Variants in UROS observed in about 807,000 individuals in gnomAD.
UROS encodes uroporphyrinogen III synthase.
A neutral mutation model predicts 33.0 loss-of-function variants in UROS; 18 were observed. The observed-to-expected ratio is 0.55, with a 90% CI of 0.38 to 0.81. The LOEUF (loss-of-function observed/expected upper bound fraction) is 0.81, where lower values mean the gene tolerates loss of function less well. Ranked by LOEUF, UROS falls within the 30% of genes least tolerant of loss-of-function variation. UROS has a pLI of 0.00. For missense variants in UROS, 293 were observed against 314.9 expected (o/e 0.93, Z 0.53); for synonymous variants, 114 against 121.1 (o/e 0.94, Z 0.38).
intron 7 of UROS, chr10:125,796,880 ACTCT>A: frequency 1.0e-6 from 1 of 984,866 alleles, no homozygotes; most frequent in Non-Finnish European, 1.2e-6. Context: ...AAAATGGGAA[ACTCT>A]CTCAGAAGAA....
intron 1 of UROS, among the ~76,000 whole-genome samples, chr10:125,822,340 G>A (rs1456128603): frequency 6.8e-6 from 1 of 146,522 alleles, no homozygotes; most frequent in African/African-American, 2.5e-5. Flanking sequence ...TTTTTAGATA[G>A]GGTCTACCTC....
intron 9 of UROS, chr10:125,789,264 G>T: frequency 7.1e-7 from 1 of 1,407,440 alleles, no homozygotes; most frequent in South Asian, 1.5e-5. Flanking sequence ...GGACTTGAAG[G>T]CCCCAGGCTG....
At chr10:125,802,987 A>T in intron 6 of UROS, 1 of 1,612,852 alleles carries the variant, frequency 6.2e-7, no homozygotes, top group Non-Finnish European at 8.5e-7. Flanking sequence ...GTCCAAACCC[A>T]CTTTCTTCAC....
rs188140486 is a variant in UROS at position 125,820,398 on chromosome 10, C to T, written c.-27+2631G>A. Among the ~76,000 whole-genome samples the T allele has an allele frequency of 1.8e-3, 278 of 152,282 alleles. 1 individual carries two copies. Among genetic ancestry groups the T allele is most frequent in the Admixed American group, 7.3e-3 (111 of 15,298 alleles). Reference sequence around the variant, plus strand: ...ATCAAGCATGCAGGAGGAGACAGGACACATTCTTCCTTCTTTGGCTTTTTG... The same window carrying T: ...ATCAAGCATGCAGGAGGAGACAGGATACATTCTTCCTTCTTTGGCTTTTTG... On this transcript the variant is annotated intron_variant, in intron 1 of 9. Coordinates refer to ENST00000368797, the MANE Select transcript of UROS (RefSeq NM_000375.3).
At chr10:125,785,471 C>T (rs1850612336), downstream of UROS, 1 of 152,260 alleles carries the variant, frequency 6.6e-6, no homozygotes, top group Non-Finnish European at 1.5e-5. Context: ...CTATCCCTGT[C>T]ATCTACTTCC....
Position 125,798,018 on chromosome 10 carries a change from G to C in UROS, c.475+47C>G, listed in dbSNP as rs146590792. 1,756 of 1,604,820 alleles carry C rather than the reference G, an allele frequency of 1.1e-3. 2 individuals carry two copies. The highest frequency in any genetic ancestry group is 1.4e-3 in the Non-Finnish European group (1,694 of 1,171,754). On this transcript the variant is annotated intron_variant, in intron 7 of 9. Transcript: ENST00000368797. ...CACTTCTATCACTGCAAAGGCTCCT[G>C]GTGGATCCCAAAGTGGTAAGGGATG...
At chr10:125,798,214 G>C (rs1564781862) in intron 6 of UROS, 69 bp from the exon 7 acceptor site, 5 of 1,534,850 alleles carry the variant, frequency 3.3e-6, no homozygotes, top group Non-Finnish European at 4.5e-6. Context: ...ATGGGGAGGG[G>C]CAGCTTTGGG....
chr10:125,803,180 C>G (rs1337752622), intron 6 of UROS, among the ~76,000 whole-genome samples: 2 of 152,180 alleles, frequency 1.3e-5, no homozygotes, highest in Non-Finnish European at 2.9e-5. Context: ...ACAAGTTTTC[C>G]CTCTCTGAGC....
intron 9 of UROS, chr10:125,791,930 T>C (rs1417226176): frequency 6.6e-6 from 1 of 152,034 alleles, no homozygotes; most frequent in Non-Finnish European, 1.5e-5. Flanking sequence ...CTCATAAAAA[T>C]CATGTTAAAG....
chr10:125,807,807 G>A (rs979205465), intron 5 of UROS, among the ~76,000 whole-genome samples: 3 of 152,168 alleles, frequency 2.0e-5, no homozygotes, highest in African/African-American at 7.2e-5. Flanking sequence ...GATAATAAGA[G>A]CAAAGTGCTT....
chr10:125,806,237 A>G (rs1852321273), intron 6 of UROS, among the ~76,000 whole-genome samples: 1 of 152,186 alleles, frequency 6.6e-6, no homozygotes, highest in South Asian at 2.1e-4. Flanking sequence ...TTTTTTTTAA[A>G]TAACATAAAT....
Position 125,805,590 on chromosome 10 carries a change from G to A in UROS, c.394+1823C>T, listed in dbSNP as rs151286918. Among the ~76,000 whole-genome samples, 50 of 152,298 alleles carry A rather than the reference G, an allele frequency of 3.3e-4. No individual in the cohort carries two copies. The South Asian group carries it at 9.9e-3, about 30-fold the overall frequency. ...GGTGCCACTGGCCACAGTGACAAGT[G>A]AGCTTGTGAAATGTGCCCAGTGTGA... is the stretch of plus-strand genomic sequence containing the variant. On this transcript the variant is annotated intron_variant, in intron 6 of 9. Coordinates refer to ENST00000368797, the MANE Select transcript of UROS (RefSeq NM_000375.3).
At chr10:125,819,475 C>A (rs1564807380) in intron 1 of UROS, among the ~76,000 whole-genome samples, 1 of 152,178 alleles carries the variant, frequency 6.6e-6, no homozygotes, top group Non-Finnish European at 1.5e-5. Context: ...GCCTCGCTTT[C>A]TTCTGCTGGA....
chr10:125,800,565 C>CTT (rs367801933), intron 6 of UROS, among the ~76,000 whole-genome samples: 4,713 of 140,360 alleles, frequency 0.034, 109 homozygotes, highest in Non-Finnish European at 0.037. Context: ...TTCTTTCTTT[C>CTT]TTTTTTTTTT....
chr10:125,793,317 C>T (rs1429339533), intron 9 of UROS: 1 of 129,194 alleles, frequency 7.7e-6, no homozygotes, highest in Non-Finnish European at 1.5e-5. Flanking sequence ...TACCACCAGG[C>T]ATCTCACAGC....
chr10:125,789,843 C>T (rs1850792858), intron 9 of UROS, among the ~76,000 whole-genome samples: 1 of 152,226 alleles, frequency 6.6e-6, no homozygotes, highest in African/African-American at 2.4e-5. Context: ...CTCTGATCCT[C>T]ACCTATAAAA....
At chr10:125,802,533 G>A in intron 6 of UROS, 1 of 996,982 alleles carries the variant, frequency 1.0e-6, no homozygotes, top group African/African-American at 1.7e-5. Flanking sequence ...TCTCCACACT[G>A]GTGCATGGAG....
rs1850758842 is a variant in UROS at position 125,789,346 on chromosome 10, G to T, written c.661-341C>A. On this transcript the variant is annotated intron_variant, in intron 9 of 9. Coordinates refer to ENST00000368797, the MANE Select transcript of UROS (RefSeq NM_000375.3). ...CTAGCTGCAGACAGTTCTTCTTCGG[G>T]TGTTGGGGGCCCTGGGTCTGATCAA... 4.9e-6 allele frequency: 6 copies of T among 1,235,488 alleles called. 1 individual carries two copies. In the South Asian group the frequency reaches 1.0e-4, roughly 21 times the overall value. The allele number at this position is 1,235,488 out of a possible 1,614,324, so 76.5% of individuals were successfully genotyped here.
intron 6 of UROS, 66 bp from the exon 7 acceptor site, chr10:125,798,211 G>A (rs1851526517): frequency 1.3e-6 from 2 of 1,559,592 alleles, no homozygotes; most frequent in Non-Finnish European, 1.8e-6. Context: ...GGAATGGGGA[G>A]GGGCAGCTTT....
Sources: allele counts gnomAD v4.1 joint callset (sites outside exome capture counted in the v4.1 genomes callset), GRCh38; gene constraint gnomAD v4.1.1; transcripts MANE v1.5; gene names NCBI Gene and HGNC (gene_info 2026-07-23, HGNC 2026-07-21).